The following TMF1 variants were observed in gnomAD, a reference collection of about 807,000 sequenced individuals.
TMF1 encodes the protein TATA element modulatory factor.
Under a neutral mutation model 126.5 loss-of-function variants are expected in TMF1, and 71 were observed. The observed-to-expected ratio is 0.56, with a 90% confidence interval of 0.46 to 0.68. The LOEUF (loss-of-function observed/expected upper bound fraction) is 0.68. TMF1 is among the 30% of genes least tolerant of loss of function. The pLI is 0.00. For missense variants in TMF1, 1,259 were observed against 1,253.2 expected (o/e 1.00, Z -0.07); for synonymous variants, 461 against 430.5 (o/e 1.07, Z -0.88).
Position 69,044,667 on chromosome 3 carries a change from C to T in TMF1, c.1348-72G>A. On this transcript the variant is annotated intron_variant, in intron 2 of 16. Coordinates refer to ENST00000398559, the MANE Select transcript of TMF1 (RefSeq NM_007114.3). ...AGACCATTTTTACATGCAGGTGTAT[C>T]ACTGTAACAAAGAAAACAGCTTTAT... The T allele has an allele frequency of 3.3e-6, 3 of 915,106 alleles. No homozygotes were observed. In the South Asian group the frequency reaches 4.7e-5, roughly 14 times the overall value. 56.7% of individuals were successfully genotyped at this position (915,106 alleles called of 1,614,324 possible). A position where few individuals can be genotyped will look rare whatever the true frequency, so the allele number is the denominator to read the frequency against.
intron 2 of TMF1, among the ~76,000 whole-genome samples, chr3:69,046,730 T>A (rs2107469407): frequency 6.6e-6 from 1 of 152,330 alleles, no homozygotes; most frequent in Middle Eastern, 3.4e-3. Context: ...TCCTAAGCAA[T>A]GCTTTTGTTC....
At chr3:69,026,123 C>A in intron 13 of TMF1, 26 bp from the exon 14 acceptor site, 1 of 1,481,400 alleles carries the variant, frequency 6.8e-7, no homozygotes, top group South Asian at 1.1e-5. Flanking sequence ...AAATTCTGTT[C>A]ATATTAAAGA....
chr3:69,049,273 CTGA>C (rs1241747113), intron 1 of TMF1, among the ~76,000 whole-genome samples: 1 of 152,182 alleles, frequency 6.6e-6, no homozygotes, highest in Non-Finnish European at 1.5e-5. Flanking sequence ...ACTCAGGAGG[CTGA>C]GGTGGGAAGA....
Position 69,033,620 on chromosome 3 carries a change from T to G in TMF1, c.2329A>C (p.Asn777His). ...TGGGATCCCAGGGTTGCTTGCAAATTTTCTATTTGTCGAAGCAATGGTCTT... is the reference window on the plus strand; with the variant it reads ...TGGGATCCCAGGGTTGCTTGCAAATGTTCTATTTGTCGAAGCAATGGTCTT... Reference protein sequence around the residue: ...TTRPLLRQIENLQATLGSQTS... With the variant: ...TTRPLLRQIEHLQATLGSQTS... Residue 777 changes from asparagine to histidine, a missense_variant, in exon 10 of 17, where the codon AAT becomes CAT. Asn to His is a moderately conservative substitution (Grantham distance 68). Coordinates refer to ENST00000398559, the MANE Select transcript of TMF1 (RefSeq NM_007114.3). 6.2e-7 allele frequency: 1 copy of G among 1,614,010 alleles called. No homozygotes were observed. The highest frequency in any genetic ancestry group is 8.5e-7 in the Non-Finnish European group (1 of 1,179,982).
At position 69,029,589 on chromosome 3, in the gene TMF1, G is replaced by A. The variant is rs550445441; in HGVS notation, c.2594+226C>T. Among the ~76,000 whole-genome samples, 8 of 151,614 alleles carry A rather than the reference G, an allele frequency of 5.3e-5. No individual in the cohort carries two copies. The South Asian group carries it at 1.3e-3, about 24-fold the overall frequency. ...CCTCCGAGCTGCTGGGATTACAGGC[G>A]CACACCATCACACCTGGCTAATTTT... On this transcript the variant is annotated intron_variant, in intron 11 of 16. Transcript: ENST00000398559.
chr3:69,036,433 G>A (rs188760580), intron 8 of TMF1, among the ~76,000 whole-genome samples: 423 of 152,190 alleles, frequency 2.8e-3, no homozygotes, highest in Admixed American at 4.6e-3. Context: ...AAAACAGTGT[G>A]AATAATAAAC....
intron 8 of TMF1, among the ~76,000 whole-genome samples, chr3:69,036,099 T>A (rs987776363): frequency 6.6e-6 from 1 of 152,018 alleles, no homozygotes; most frequent in Non-Finnish European, 1.5e-5. Flanking sequence ...CAATAAGAAA[T>A]AGCTGAAAAT....
chr3:69,020,469 T>C lies in TMF1; in HGVS notation c.*2708A>G, dbSNP rs2091723697. The stretch of plus-strand genomic sequence containing the variant: ...AACCTTCCCTTTGTTTACTCATTTT[T>C]TTATATTCTTGAAAATGTTATTTGC... On this transcript the variant is annotated 3_prime_UTR_variant, in exon 17 of 17. Coordinates refer to ENST00000398559, the MANE Select transcript of TMF1 (RefSeq NM_007114.3). 1 of 152,194 alleles carries C rather than the reference T, an allele frequency of 6.6e-6. No individual in the cohort carries two copies. 9.4% of individuals were successfully genotyped at this position (152,194 alleles called of 1,614,324 possible). A position where few individuals can be genotyped will look rare whatever the true frequency, so the allele number is the denominator to read the frequency against.
intron 8 of TMF1, 59 bp downstream of exon 8, chr3:69,038,505 T>A: frequency 6.5e-7 from 1 of 1,548,836 alleles, no homozygotes; most frequent in Non-Finnish European, 8.8e-7. Flanking sequence ...AATTGTTTAA[T>A]TTGTAGAAGC....
At position 69,032,012 on chromosome 3, in the gene TMF1, C is replaced by T. The variant is rs193073047; in HGVS notation, c.2401+1536G>A. ...ATAAACGACAGACCTAACATTTATACCTATAAATTTAAATATATATGAAGG... is the reference window on the plus strand; with the variant it reads ...ATAAACGACAGACCTAACATTTATATCTATAAATTTAAATATATATGAAGG... On this transcript the variant is annotated intron_variant, in intron 10 of 16. Coordinates refer to ENST00000398559, the MANE Select transcript of TMF1 (RefSeq NM_007114.3). 3.2e-3 allele frequency among the ~76,000 whole-genome samples: 491 copies of T among 152,190 alleles called. 3 individuals are homozygous for T. Among genetic ancestry groups the T allele is most frequent in the African/African-American group, 0.012 (478 of 41,514 alleles).
rs1368393311 is a variant in TMF1, at chr3:69,020,444, A to C, written c.*2733T>G. The C allele has an allele frequency of 6.6e-6, 1 of 152,136 alleles. No homozygotes were observed. Among genetic ancestry groups the C allele is most frequent in the Non-Finnish European group, 1.5e-5 (1 of 67,982 alleles). 9.4% of individuals were successfully genotyped at this position (152,136 alleles called of 1,614,324 possible). ...CTTAATTGTCTATAAATGACCAAAC[A>C]ACCTTCCCTTTGTTTACTCATTTTT... On this transcript the variant is annotated 3_prime_UTR_variant, in exon 17 of 17. Coordinates refer to ENST00000398559, the MANE Select transcript of TMF1 (RefSeq NM_007114.3).
intron 13 of TMF1, among the ~76,000 whole-genome samples, chr3:69,026,822 A>G (rs769230232): frequency 2.0e-5 from 3 of 152,186 alleles, no homozygotes; most frequent in African/African-American, 4.8e-5. Context: ...ATTACTAATG[A>G]GTGTTACAAA....
Position 69,038,852 on chromosome 3 carries a change from C to G in TMF1, c.1985G>C (p.Ser662Thr), listed in dbSNP as rs761271958. 4 of 1,598,226 alleles carry G rather than the reference C, an allele frequency of 2.5e-6. No homozygotes were observed. The highest frequency in any genetic ancestry group is 3.4e-6 in the Non-Finnish European group (4 of 1,173,914). ...KNRSIQAALD[S>T]AYKELTDLHK... Reference sequence around the variant, plus strand: ...TTGTTCATTTTCTTACTTGTATGCACTATCCAGGGCAGCCTGAATACTTCG... The same window carrying G: ...TTGTTCATTTTCTTACTTGTATGCAGTATCCAGGGCAGCCTGAATACTTCG... Residue 662 changes from serine (S) to threonine (T), a missense_variant, in exon 7 of 17, where the codon AGT becomes ACT. By Grantham distance (58) the Ser-to-Thr change is moderately conservative. Coordinates refer to ENST00000398559, the MANE Select transcript of TMF1 (RefSeq NM_007114.3).
intron 2 of TMF1, among the ~76,000 whole-genome samples, chr3:69,047,143 G>A (rs560108984): frequency 2.6e-5 from 4 of 152,254 alleles, no homozygotes; most frequent in Admixed American, 1.3e-4. Flanking sequence ...CTGTATTGAA[G>A]TATCAACTTA....
At position 69,038,618 on chromosome 3, in the gene TMF1, T is replaced by C. The variant is rs375124442; in HGVS notation, c.2097A>G (p.Ala699=). The change falls in exon 8 of 17, where the codon GCA becomes GCG. Residue 699 remains alanine (A), a synonymous_variant. Coordinates refer to ENST00000398559, the MANE Select transcript of TMF1 (RefSeq NM_007114.3). ...EMKAKEELSA[A]LEKAQEEARQ... ...GGGCTTCTTCTTGGGCCTTCTCTAA[T>C]GCTGCAGAAAGTTCTTCTTTAGCTT... The C allele has an allele frequency of 2.3e-5, 37 of 1,614,110 alleles. No homozygotes were observed. Among genetic ancestry groups the C allele is most frequent in the Admixed American group, 6.7e-5 (4 of 60,010 alleles).
At position 69,021,412 on chromosome 3, in the gene TMF1, A is replaced by G. The variant is rs1053555; in HGVS notation, c.*1765T>C. On this transcript the variant is annotated 3_prime_UTR_variant, in exon 17 of 17. Transcript: ENST00000398559. ...TCTGCCCTTGAATATTACACACACA[A>G]AAAAATCAAGCTGACAAAAAGCTAT... 2.0e-5 allele frequency: 3 copies of G among 152,070 alleles called. No homozygotes were observed. In the Admixed American group the frequency reaches 2.0e-4, roughly 10 times the overall value. 9.4% of individuals were successfully genotyped at this position (152,070 alleles called of 1,614,324 possible).
chr3:69,050,350 T>A (rs1484739676), intron 1 of TMF1, among the ~76,000 whole-genome samples: 1 of 151,828 alleles, frequency 6.6e-6, no homozygotes, highest in Non-Finnish European at 1.5e-5. Context: ...TGTAGAAAAC[T>A]TCAGTTTGGA....
chr3:69,051,966 T>C lies in TMF1; in HGVS notation c.121A>G (p.Thr41Ala), dbSNP rs546771835. 6.2e-7 allele frequency: 1 copy of C among 1,613,838 alleles called. No homozygotes were observed. Among genetic ancestry groups the C allele is most frequent in the South Asian group, 1.1e-5 (1 of 91,046 alleles). ...QEEEPSIWAE[T>A]IPYGEPGISS... is the part of the protein sequence containing the mutation. ...TTACCCGGCTCTCCATACGGAATGG[T>C]CTCGGCCCAGATGCTCGGCTCCTCT... The change falls in exon 1 of 17, where the codon ACC (threonine) becomes GCC (alanine). Residue 41 changes from threonine (T) to alanine (A), a missense_variant. Coordinates refer to ENST00000398559, the MANE Select transcript of TMF1 (RefSeq NM_007114.3).
intron 14 of TMF1, 36 bp downstream of exon 14, chr3:69,025,954 ATTATTC>A (rs1331693161): frequency 1.8e-5 from 27 of 1,488,356 alleles, no homozygotes; most frequent in Middle Eastern, 1.7e-4. Flanking sequence ...TTCCTTTATT[ATTATTC>A]TAAGAACTAA....
Sources: allele counts gnomAD v4.1 joint callset (sites outside exome capture counted in the v4.1 genomes callset), GRCh38; gene constraint gnomAD v4.1.1; transcripts MANE v1.5; gene names NCBI Gene and HGNC (gene_info 2026-07-23, HGNC 2026-07-21).